ROBO2: variants seen among roughly 807,000 people sequenced by gnomAD.
The protein encoded by ROBO2 is roundabout homolog 2.
Under a neutral mutation model 160.8 loss-of-function variants are expected in ROBO2, and 53 were observed. The observed-to-expected ratio is 0.33, with a 90% CI of 0.26 to 0.41. The LOEUF is 0.41. ROBO2 is among the 10% of genes least tolerant of loss of function. The probability of loss-of-function intolerance (pLI) is 1.00; values close to 1 mark genes in which losing one functional copy is unlikely to be tolerated. For synonymous variants in ROBO2, 664 were observed against 611.7 expected (o/e 1.09, Z -1.26); for missense variants, 1,577 against 1,722.4 (o/e 0.92, Z 1.49).
intron 2 of ROBO2, among the ~76,000 whole-genome samples, chr3:76,364,636 G>A: frequency 6.6e-6 from 1 of 152,054 alleles, no homozygotes; most frequent in South Asian, 2.1e-4. Context: ...ATAGTGAGAA[G>A]TTTTATTCCT....
chr3:76,340,069 A>C (rs1410049827), intron 2 of ROBO2, among the ~76,000 whole-genome samples: 3 of 132,390 alleles, frequency 2.3e-5, no homozygotes, highest in Non-Finnish European at 4.9e-5. Flanking sequence ...AAATCCTAAC[A>C]AAAATGAACC....
At chr3:76,075,423 G>T (rs146280249) in intron 2 of ROBO2, among the ~76,000 whole-genome samples, 14 of 150,582 alleles carry the variant, frequency 9.3e-5, no homozygotes, top group African/African-American at 2.9e-4. Context: ...CTCCTGTCTG[G>T]AGTTAAATGA....
At chr3:76,533,991 G>T (rs1050670089) in intron 2 of ROBO2, among the ~76,000 whole-genome samples, 2 of 152,258 alleles carry the variant, frequency 1.3e-5, no homozygotes, top group Middle Eastern at 3.4e-3. Flanking sequence ...CTGGACATAT[G>T]TGTGCAGGTC....
At position 77,301,089 on chromosome 3, in the gene ROBO2, G is replaced by T. The variant is rs561905981; in HGVS notation, c.389-176325G>T. Among the ~76,000 whole-genome samples, 79 of 151,830 alleles carry T rather than the reference G, an allele frequency of 5.2e-4. 1 individual carries two copies. Among genetic ancestry groups the T allele is most frequent in the African/African-American group, 1.8e-3 (76 of 41,392 alleles). ...TCACCATGTTGGCCAGGCTGGTCTC[G>T]AACTCCCGACCTCAGTTGATCCACC... On this transcript the variant is annotated intron_variant, in intron 2 of 25. Transcript: ENST00000461745.
chr3:77,157,335 A>ATTT (rs111683972), intron 2 of ROBO2, among the ~76,000 whole-genome samples: 1 of 151,732 alleles, frequency 6.6e-6, no homozygotes, highest in Non-Finnish European at 1.5e-5. Context: ...AAAATATCTA[A>ATTT]AATTCAATTG....
intron 2 of ROBO2, among the ~76,000 whole-genome samples, chr3:76,139,938 CT>C (rs2071568871): frequency 6.6e-6 from 1 of 152,030 alleles, no homozygotes; most frequent in Non-Finnish European, 1.5e-5. Context: ...ATCACTGATT[CT>C]TCTTCGTAGT....
At chr3:77,469,654 C>A (rs925817962) in intron 2 of ROBO2, among the ~76,000 whole-genome samples, 5 of 152,024 alleles carry the variant, frequency 3.3e-5, no homozygotes, top group Admixed American at 3.3e-4. Flanking sequence ...GATTTCTGAC[C>A]TTCTTGAACT....
At chr3:77,298,812 A>C (rs940927625) in intron 2 of ROBO2, among the ~76,000 whole-genome samples, 3 of 152,194 alleles carry the variant, frequency 2.0e-5, no homozygotes, top group African/African-American at 7.2e-5. Flanking sequence ...GCACTGTAGA[A>C]TAGATAAAGC....
chr3:76,812,429 A>G (rs1204902809), intron 2 of ROBO2, among the ~76,000 whole-genome samples: 2 of 150,250 alleles, frequency 1.3e-5, no homozygotes, highest in Admixed American at 1.3e-4. Context: ...GCCCTTAGTT[A>G]TCAGAGAGAT....
At position 76,953,185 on chromosome 3, in the gene ROBO2, C is replaced by T. The variant is rs1160542213; in HGVS notation, c.110-144829C>T. Among the ~76,000 whole-genome samples the T allele has an allele frequency of 2.0e-5, 3 of 152,308 alleles. No individual in the cohort carries two copies. The East Asian group carries it at 5.8e-4, about 29-fold the overall frequency. Reference sequence around the variant, plus strand: ...TGACTTTGCTAACCTCAGCTATCTGCTGCTAGTGAACACCACCCATCTTGA... The same window carrying T: ...TGACTTTGCTAACCTCAGCTATCTGTTGCTAGTGAACACCACCCATCTTGA... On this transcript the variant is annotated intron_variant, in intron 2 of 26. Transcript: ENST00000487694.
chr3:76,582,886 A>C (rs1281252350), intron 2 of ROBO2, among the ~76,000 whole-genome samples: 1 of 152,042 alleles, frequency 6.6e-6, no homozygotes, highest in Non-Finnish European at 1.5e-5. Flanking sequence ...TAGCCTGTGG[A>C]TTGCTATTTT....
At chr3:76,102,517 A>G (rs1011939949) in intron 2 of ROBO2, among the ~76,000 whole-genome samples, 2 of 152,226 alleles carry the variant, frequency 1.3e-5, no homozygotes, top group African/African-American at 2.4e-5. Flanking sequence ...TCAAAGTAGT[A>G]ACAGAAAAGT....
At chr3:76,757,058 G>C (rs2061016045) in intron 2 of ROBO2, among the ~76,000 whole-genome samples, 2 of 151,828 alleles carry the variant, frequency 1.3e-5, no homozygotes. Flanking sequence ...TATTTTTATA[G>C]TGCTTTGGAT....
intron 2 of ROBO2, among the ~76,000 whole-genome samples, chr3:77,388,241 T>C (rs1483674621): frequency 6.6e-6 from 1 of 152,090 alleles, no homozygotes; most frequent in Admixed American, 6.6e-5. Context: ...TTTCAATGTA[T>C]ATTCAACAAA....
intron 2 of ROBO2, among the ~76,000 whole-genome samples, chr3:76,576,773 C>T (rs1302247044): frequency 5.5e-5 from 3 of 54,484 alleles, no homozygotes; most frequent in African/African-American, 8.7e-5. Context: ...AGTGAAACTC[C>T]GTCTCACAAA....
intron 2 of ROBO2, among the ~76,000 whole-genome samples, chr3:76,967,769 T>C (rs1408674171): frequency 1.3e-5 from 2 of 152,198 alleles, no homozygotes; most frequent in African/African-American, 2.4e-5. Flanking sequence ...GGTCTTGCAC[T>C]CCTGGCCTCA....
intron 2 of ROBO2, among the ~76,000 whole-genome samples, chr3:77,284,126 T>C (rs1460893552): frequency 6.6e-6 from 1 of 152,160 alleles, no homozygotes; most frequent in Non-Finnish European, 1.5e-5. Flanking sequence ...GATTTTATTT[T>C]AGCACAGTCA....
intron 2 of ROBO2, among the ~76,000 whole-genome samples, chr3:76,951,997 C>G (rs2078985880): frequency 6.6e-6 from 1 of 152,206 alleles, no homozygotes; most frequent in South Asian, 2.1e-4. Flanking sequence ...TTCTCACACA[C>G]AGTCCGTGAC....
chr3:76,055,507 C>G (rs182264477), intron 2 of ROBO2, among the ~76,000 whole-genome samples: 2 of 151,998 alleles, frequency 1.3e-5, no homozygotes, highest in African/African-American at 4.8e-5. Flanking sequence ...GCCCTCCCCC[C>G]TTTTGGAGTT....
Sources: gnomAD v4.1 joint callset for allele counts (sites outside exome capture counted in the v4.1 genomes callset) on GRCh38, gnomAD v4.1.1 for gene constraint, MANE v1.5 for transcripts, NCBI Gene and HGNC (gene_info 2026-07-23, HGNC 2026-07-21) for gene names.